The following DMXL2 variants were observed in gnomAD, a reference collection of about 807,000 sequenced individuals.
DMXL2 encodes Dmx like 2, also known as dmX-like protein 2.
Under a neutral mutation model 331.1 loss-of-function variants are expected in DMXL2, and 103 were observed. The observed-to-expected ratio is 0.31, with a 90% CI of 0.27 to 0.37. DMXL2 has a LOEUF of 0.37. Among genes scored for constraint, DMXL2 ranks in the 10% least tolerant of loss-of-function variants. The pLI, the probability that DMXL2 is intolerant of heterozygous loss-of-function variation, is 1.00. For missense variants in DMXL2, 3,171 were observed against 3,642.9 expected, an observed-to-expected ratio of 0.87 and a Z score of 3.33; for synonymous variants, 1,281 against 1,252.1, an observed-to-expected ratio of 1.02 and a Z score of -0.49.
At chr15:51,536,886 C>T (rs766597099) in intron 11 of DMXL2, 24 bp from the exon 12 acceptor site, 1 of 1,549,038 alleles carries the variant, frequency 6.5e-7, no homozygotes, top group Admixed American at 2.0e-5. Flanking sequence ...TTATATGATT[C>T]AGTGCAAATA....
chr15:51,542,467 C>G lies in DMXL2; in HGVS notation c.971G>C (p.Arg324Thr), dbSNP rs149964881. Reference protein sequence around the residue: ...HLKNLRKGQRRSSVLVTHAEL... With the variant: ...HLKNLRKGQRTSSVLVTHAEL... Reference sequence around the variant, plus strand: ...AGCATGAGTTACAAGAACAGATGACCTCCTCTGTCCTTTCCTTAAATTTTT... The same window carrying G: ...AGCATGAGTTACAAGAACAGATGACGTCCTCTGTCCTTTCCTTAAATTTTT... Residue 324 changes from arginine to threonine, a missense_variant, in exon 9 of 44, where the codon AGG (arginine) becomes ACG (threonine). Coordinates refer to ENST00000560891, the MANE Select transcript of DMXL2 (RefSeq NM_001378457.1). The G allele has an allele frequency of 2.5e-6, 4 of 1,613,534 alleles. No homozygotes were observed. Among genetic ancestry groups the G allele is most frequent in the East Asian group, 2.2e-5 (1 of 44,846 alleles).
chr15:51,592,717 G>A (rs750447708), intron 1 of DMXL2, among the ~76,000 whole-genome samples: 15 of 152,174 alleles, frequency 9.9e-5, no homozygotes, highest in Non-Finnish European at 1.9e-4. Context: ...CTGATCTCTC[G>A]GCATAAACTC....
chr15:51,527,266 T>A (rs936963251), intron 13 of DMXL2, among the ~76,000 whole-genome samples: 6 of 151,636 alleles, frequency 4.0e-5, no homozygotes, highest in Admixed American at 6.6e-5. Context: ...GAAAAAAAAA[T>A]TTACCCTAGA....
rs2048644291 is a variant in DMXL2 at position 51,542,340 on chromosome 15, A to G, written c.1098T>C (p.Pro366=). The change falls in exon 9 of 44, where the codon CCT becomes CCC. Residue 366 remains proline, a synonymous_variant. Coordinates refer to ENST00000560891, the MANE Select transcript of DMXL2 (RefSeq NM_001378457.1). The part of the protein sequence containing the change: ...CHFHIAASIN[P]ATDIPNVLVG... ...TAAAACTTTATCCTTTACCTGTGGCAGGGTTGATGCTTGCTGCAATATGAA... is the reference window on the plus strand; with the variant it reads ...TAAAACTTTATCCTTTACCTGTGGCGGGGTTGATGCTTGCTGCAATATGAA... 2 of 1,612,856 alleles carry G rather than the reference A, an allele frequency of 1.2e-6. No individual in the cohort carries two copies. The highest frequency in any genetic ancestry group is 1.7e-6 in the Non-Finnish European group (2 of 1,179,236).
At chr15:51,570,550 C>T (rs576176386) in intron 2 of DMXL2, among the ~76,000 whole-genome samples, 30 of 152,228 alleles carry the variant, frequency 2.0e-4, no homozygotes, top group Non-Finnish European at 3.5e-4. Context: ...AGAGAAAGGT[C>T]GGGTTACCCA....
chr15:51,566,312 A>C (rs1478797477), intron 3 of DMXL2, among the ~76,000 whole-genome samples: 1 of 151,390 alleles, frequency 6.6e-6, no homozygotes, highest in East Asian at 1.9e-4. Context: ...TTATCCAAAA[A>C]TTATTTGATA....
intron 1 of DMXL2, among the ~76,000 whole-genome samples, chr15:51,586,342 G>A (rs1161663910): frequency 1.3e-5 from 2 of 152,074 alleles, no homozygotes; most frequent in Non-Finnish European, 2.9e-5. Flanking sequence ...GTGCTATGTC[G>A]AGGGAAACAT....
chr15:51,534,143 C>T (rs766338822), intron 13 of DMXL2, among the ~76,000 whole-genome samples: 2 of 152,110 alleles, frequency 1.3e-5, no homozygotes, highest in East Asian at 1.9e-4. Context: ...CAATTACATA[C>T]GAAGAATGTG....
chr15:51,511,440 T>C (rs2046750471), intron 15 of DMXL2, among the ~76,000 whole-genome samples: 1 of 152,130 alleles, frequency 6.6e-6, no homozygotes, highest in African/African-American at 2.4e-5. Context: ...TATGAAAAAA[T>C]GCTCATCATC....
intron 21 of DMXL2, 143 bp downstream of exon 21, chr15:51,488,404 AT>A: frequency 7.6e-6 from 6 of 786,002 alleles, no homozygotes; most frequent in South Asian, 1.8e-5. Flanking sequence ...TATTTTACCC[AT>A]TTTTTTCAGC....
chr15:51,449,078 T>A lies in DMXL2; in HGVS notation c.9083A>T (p.Asn3028Ile), dbSNP rs1389173973. 1 of 1,614,100 alleles carries A rather than the reference T, an allele frequency of 6.2e-7. No individual in the cohort carries two copies. Among genetic ancestry groups the A allele is most frequent in the African/African-American group, 1.3e-5 (1 of 74,940 alleles). Residue 3028 changes from asparagine to isoleucine, a missense_variant, in exon 44 of 44, where the codon AAT (asparagine) becomes ATT (isoleucine). Asn to Ile is a moderately radical substitution (Grantham distance 149, BLOSUM62 -3). This residue lies in a region of DMXL2 where 766 missense variants were observed against 940.5 expected (regional missense o/e 0.81). Transcript: ENST00000560891. ...ATCTGCACCACAGGAGAAGAGCCGA[T>A]TGCCCTGGATGATGTCAATCTGCAT... is the stretch of plus-strand genomic sequence containing the variant. The part of the protein sequence containing the change: ...GVMQIDIIQG[N>I]RLFSCGADGT...
intron 1 of DMXL2, among the ~76,000 whole-genome samples, chr15:51,595,472 A>G (rs1393416130): frequency 2.6e-5 from 4 of 152,222 alleles, no homozygotes; most frequent in Non-Finnish European, 5.9e-5. Flanking sequence ...GGAAGAATCA[A>G]TATCGTGAAA....
At chr15:51,465,528 T>C (rs774183453) in intron 31 of DMXL2, 38 bp downstream of exon 31, 25 of 1,433,898 alleles carry the variant, frequency 1.7e-5, no homozygotes, top group Non-Finnish European at 1.4e-5. Flanking sequence ...GGCAATTTAT[T>C]ATACTTAATA....
At chr15:51,470,006 T>C (rs2040949886) in intron 29 of DMXL2, among the ~76,000 whole-genome samples, 1 of 152,160 alleles carries the variant, frequency 6.6e-6, no homozygotes, top group Non-Finnish European at 1.5e-5. Context: ...ACATAGATTG[T>C]TGGTTCTCAC....
chr15:51,451,557 G>T, intron 42 of DMXL2, 88 bp downstream of exon 42: 2 of 1,017,214 alleles, frequency 2.0e-6, no homozygotes, highest in Admixed American at 2.3e-5. Flanking sequence ...ACACTCACTG[G>T]ATTCACTAAT....
intron 6 of DMXL2, among the ~76,000 whole-genome samples, chr15:51,549,925 C>A (rs892162735): frequency 6.6e-6 from 1 of 151,978 alleles, no homozygotes; most frequent in Non-Finnish European, 1.5e-5. Context: ...GTTTACTCTG[C>A]TGACTGTTTC....
At chr15:51,595,952 A>G (rs1159104697) in intron 1 of DMXL2, among the ~76,000 whole-genome samples, 2 of 152,224 alleles carry the variant, frequency 1.3e-5, no homozygotes, top group Non-Finnish European at 2.9e-5. Flanking sequence ...TGTTAGACCT[A>G]AAACCATAAA....
At chr15:51,618,323 T>C (rs1276321255) in intron 1 of DMXL2, among the ~76,000 whole-genome samples, 2 of 152,098 alleles carry the variant, frequency 1.3e-5, no homozygotes, top group African/African-American at 4.8e-5. Context: ...CTTTTTTTTT[T>C]TTTTTAATAC....
At chr15:51,601,251 A>G (rs530429249) in intron 1 of DMXL2, among the ~76,000 whole-genome samples, 10 of 148,556 alleles carry the variant, frequency 6.7e-5, no homozygotes, top group Admixed American at 1.4e-4. Flanking sequence ...AGATTGCACC[A>G]CTGCATTCCA....
Sources: allele counts gnomAD v4.1 joint callset (sites outside exome capture counted in the v4.1 genomes callset), GRCh38; gene constraint gnomAD v4.1.1; regional missense constraint gnomAD v4.1.1; transcripts MANE v1.5; gene names NCBI Gene and HGNC (gene_info 2026-07-23, HGNC 2026-07-21).